Variants in CLVS2 observed in about 807,000 individuals in gnomAD.
CLVS2 encodes clavesin-2.
Under a neutral mutation model 29.0 loss-of-function variants are expected in CLVS2, and 19 were observed. That is an observed-to-expected ratio of 0.66 (90% CI 0.46 to 0.96). The LOEUF (loss-of-function observed/expected upper bound fraction) is 0.96, where lower values mean the gene tolerates loss of function less well. Ranked by LOEUF, CLVS2 falls within the 40% of genes least tolerant of loss-of-function variation. CLVS2 has a pLI of 0.00. For synonymous variants in CLVS2, 161 were observed against 151.3 expected (o/e 1.06, Z -0.47); for missense variants, 294 against 404.1 (o/e 0.73, Z 2.34).
At chr6:123,047,324 T>C (rs1410635081) in intron 3 of CLVS2, among the ~76,000 whole-genome samples, 1 of 152,136 alleles carries the variant, frequency 6.6e-6, no homozygotes, top group Non-Finnish European at 1.5e-5. Context: ...ATTATTATAA[T>C]AACCTCTCAA....
chr6:123,063,410 C>A (rs954962580), intron 5 of CLVS2, among the ~76,000 whole-genome samples: 2 of 152,066 alleles, frequency 1.3e-5, no homozygotes, highest in African/African-American at 2.4e-5. Flanking sequence ...GTGAAGAGCT[C>A]TTAAGCCTGG....
Position 122,997,372 on chromosome 6 carries a change from T to C in CLVS2, c.-406T>C, listed in dbSNP as rs192896763. ...AGATGTGCGTGGGGGTTGTTTTTGT[T>C]ACATCTTGGAAGAGAAGAGAAGAGG... On this transcript the variant is annotated 5_prime_UTR_variant, in exon 2 of 6. Coordinates refer to ENST00000275162, the MANE Select transcript of CLVS2 (RefSeq NM_001010852.4). The C allele has an allele frequency of 5.9e-4, 116 of 195,758 alleles. No homozygotes were observed. The highest frequency in any genetic ancestry group is 2.6e-3 in the African/African-American group (109 of 42,130). 12.1% of individuals were successfully genotyped at this position (195,758 alleles called of 1,614,324 possible).
rs1772893337 is a variant in CLVS2 at position 123,068,292 on chromosome 6, G to A, written c.*4531G>A. ...AATCAATGCACTCATGGTAAATAAT[G>A]GAAATTGTTAAAATTTAGAAGAGTT... On this transcript the variant is annotated 3_prime_UTR_variant, in exon 6 of 6. Coordinates refer to ENST00000275162, the MANE Select transcript of CLVS2 (RefSeq NM_001010852.4). The A allele has an allele frequency of 1.3e-5, 2 of 151,366 alleles. No homozygotes were observed. The highest frequency in any genetic ancestry group is 6.6e-5 in the Admixed American group (1 of 15,148). 9.4% of individuals were successfully genotyped at this position (151,366 alleles called of 1,614,324 possible).
At chr6:123,053,671 A>G (rs1772648306) in intron 4 of CLVS2, among the ~76,000 whole-genome samples, 1 of 152,140 alleles carries the variant, frequency 6.6e-6, no homozygotes, top group African/African-American at 2.4e-5. Context: ...ATTTTGCTAT[A>G]AAGAGAAGGA....
At chr6:123,005,518 A>G (rs1024359963) in intron 2 of CLVS2, among the ~76,000 whole-genome samples, 2 of 152,180 alleles carry the variant, frequency 1.3e-5, no homozygotes, top group Non-Finnish European at 2.9e-5. Context: ...CGATGCCAAG[A>G]TGCTAGTTTT....
intron 3 of CLVS2, among the ~76,000 whole-genome samples, chr6:123,015,207 C>T (rs1370060836): frequency 6.6e-6 from 1 of 151,926 alleles, no homozygotes; most frequent in African/African-American, 2.4e-5. Flanking sequence ...GCTGGAAGGG[C>T]AGGCTGAACC....
chr6:123,031,921 TA>T (rs1317949809), intron 3 of CLVS2, among the ~76,000 whole-genome samples: 1 of 152,178 alleles, frequency 6.6e-6, no homozygotes, highest in Non-Finnish European at 1.5e-5. Context: ...TAGAAGAGAT[TA>T]TAGTTACAAG....
intron 3 of CLVS2, among the ~76,000 whole-genome samples, chr6:123,011,577 C>G (rs1481441742): frequency 6.6e-6 from 1 of 151,884 alleles, no homozygotes; most frequent in African/African-American, 2.4e-5. Context: ...GTTGGAAAGT[C>G]AATCAATATG....
Position 122,997,607 on chromosome 6 carries a change from G to A in CLVS2, c.-171G>A. On this transcript the variant is annotated 5_prime_UTR_variant, in exon 2 of 6. Coordinates refer to ENST00000275162, the MANE Select transcript of CLVS2 (RefSeq NM_001010852.4). ...GCCCCCCCAGCTTTGCTGGGGGAAA[G>A]CAGGAGCAACAGGGCACTTGATTGG... is the stretch of plus-strand genomic sequence containing the variant. 1 of 606,432 alleles carries A rather than the reference G, an allele frequency of 1.6e-6. No homozygotes were observed. The highest frequency in any genetic ancestry group is 2.8e-6 in the Non-Finnish European group (1 of 351,764). The allele number at this position is 606,432 out of a possible 1,614,324, so 37.6% of individuals were successfully genotyped here.
intron 3 of CLVS2, among the ~76,000 whole-genome samples, chr6:123,019,811 C>A (rs1053664571): frequency 7.2e-5 from 11 of 151,924 alleles, no homozygotes; most frequent in African/African-American, 2.4e-4. Flanking sequence ...AAGCTTGAGA[C>A]CTTGCAGGGC....
chr6:123,000,397 A>G lies in CLVS2; in HGVS notation c.389+2231A>G, dbSNP rs551666898. Among the ~76,000 whole-genome samples, 15 of 152,284 alleles carry G rather than the reference A, an allele frequency of 9.9e-5. No homozygotes were observed. The South Asian group carries it at 3.1e-3, about 32-fold the overall frequency. ...CAATGACAGGGACTAGTAGACAAAC[A>G]GATCTGTCACCTTTGCACCCTCTAT... On this transcript the variant is annotated intron_variant, in intron 2 of 5. Transcript: ENST00000275162.
chr6:123,028,328 A>G (rs1161076259), intron 3 of CLVS2, among the ~76,000 whole-genome samples: 3 of 152,198 alleles, frequency 2.0e-5, no homozygotes, highest in African/African-American at 7.2e-5. Flanking sequence ...TTAGAATTTT[A>G]GCATTTGAAG....
chr6:122,999,923 T>C (rs1380853179), intron 2 of CLVS2, among the ~76,000 whole-genome samples: 1 of 152,190 alleles, frequency 6.6e-6, no homozygotes, highest in Non-Finnish European at 1.5e-5. Flanking sequence ...ATAGTTTTCA[T>C]ATATATGAGA....
chr6:123,002,574 T>C (rs1263368027), intron 2 of CLVS2, among the ~76,000 whole-genome samples: 2 of 138,764 alleles, frequency 1.4e-5, no homozygotes, highest in African/African-American at 3.0e-5. Flanking sequence ...ATCTCTGGAA[T>C]TGTACTAAAA....
intron 4 of CLVS2, among the ~76,000 whole-genome samples, chr6:123,054,098 T>G (rs970341571): frequency 5.7e-4 from 87 of 152,284 alleles, no homozygotes; most frequent in African/African-American, 2.0e-3. Context: ...AGGATTACAC[T>G]GACTGCTCCA....
At chr6:123,017,032 G>A (rs1048319714) in intron 3 of CLVS2, among the ~76,000 whole-genome samples, 1 of 151,932 alleles carries the variant, frequency 6.6e-6, no homozygotes, top group Non-Finnish European at 1.5e-5. Flanking sequence ...TGCTTATTCA[G>A]TCCTTCAAGT....
At position 123,008,558 on chromosome 6, in the gene CLVS2, G is replaced by A. The variant is rs79465490; in HGVS notation, c.390-2427G>A. Among the ~76,000 whole-genome samples the A allele has an allele frequency of 5.5e-3, 835 of 152,194 alleles. 7 individuals carry two copies. Among genetic ancestry groups the A allele is most frequent in the East Asian group, 0.012 (64 of 5,174 alleles). On this transcript the variant is annotated intron_variant, in intron 2 of 5. Coordinates refer to ENST00000275162, the MANE Select transcript of CLVS2 (RefSeq NM_001010852.4). Reference sequence around the variant, plus strand: ...TATTTAATGCCATTTTGGTATTAATGCTATTTGATTTCTTATGGATAACAT... The same window carrying A: ...TATTTAATGCCATTTTGGTATTAATACTATTTGATTTCTTATGGATAACAT...
intron 3 of CLVS2, among the ~76,000 whole-genome samples, chr6:123,042,397 C>T (rs1469916698): frequency 1.3e-5 from 2 of 152,134 alleles, no homozygotes; most frequent in African/African-American, 4.8e-5. Context: ...TTGGCTTCTA[C>T]ACAATTCCTT....
chr6:123,051,201 T>C (rs2114357874), intron 4 of CLVS2, among the ~76,000 whole-genome samples: 2 of 152,300 alleles, frequency 1.3e-5, no homozygotes, highest in Middle Eastern at 3.4e-3. Flanking sequence ...GAGGAAGCAG[T>C]TGTGAATCTT....
Sources: allele counts gnomAD v4.1 joint callset (sites outside exome capture counted in the v4.1 genomes callset), GRCh38; gene constraint gnomAD v4.1.1; transcripts MANE v1.5; gene names NCBI Gene and HGNC (gene_info 2026-07-23, HGNC 2026-07-21).